NLGN1: variants seen among roughly 807,000 people sequenced by gnomAD.
NLGN1 encodes neuroligin-1.
A neutral mutation model predicts 65.5 loss-of-function variants in NLGN1; 12 were observed. The observed-to-expected ratio is 0.18, with a 90% confidence interval of 0.12 to 0.30. The LOEUF (loss-of-function observed/expected upper bound fraction) is 0.30. NLGN1 is among the 10% of genes least tolerant of loss of function. The probability of loss-of-function intolerance (pLI) is 1.00; values close to 1 mark genes in which losing one functional copy is unlikely to be tolerated. For missense variants in NLGN1, 750 were observed against 1,007.1 expected (o/e 0.74, Z 3.46); for synonymous variants, 350 against 359.5 (o/e 0.97, Z 0.30).
chr3:174,021,099 G>T (rs565049720), intron 4 of NLGN1, among the ~76,000 whole-genome samples: 182 of 151,894 alleles, frequency 1.2e-3, no homozygotes, highest in Non-Finnish European at 2.0e-3. Context: ...ATCTGTGTTG[G>T]CCCTGGTTTC....
chr3:173,469,468 A>G (rs1724956431), intron 2 of NLGN1, among the ~76,000 whole-genome samples: 1 of 152,064 alleles, frequency 6.6e-6, no homozygotes, highest in South Asian at 2.1e-4. Context: ...TTAGTTGGCC[A>G]ATTAAAATCT....
intron 3 of NLGN1, among the ~76,000 whole-genome samples, chr3:173,697,705 T>C (rs1056344814): frequency 2.0e-5 from 3 of 152,026 alleles, no homozygotes; most frequent in Admixed American, 1.3e-4. Context: ...TTTTGTATTG[T>C]TTTTTGTAGA....
chr3:173,866,376 A>AC (rs60192820), intron 4 of NLGN1, among the ~76,000 whole-genome samples: 1 of 152,134 alleles, frequency 6.6e-6, no homozygotes, highest in Non-Finnish European at 1.5e-5. Flanking sequence ...AAACAAACAA[A>AC]AAAAGGCAGG....
chr3:173,986,102 AG>A (rs1719837419), intron 4 of NLGN1, among the ~76,000 whole-genome samples: 1 of 152,218 alleles, frequency 6.6e-6, no homozygotes, highest in Admixed American at 6.5e-5. Flanking sequence ...AGATGTAATT[AG>A]TTAAGTCGAC....
intron 4 of NLGN1, among the ~76,000 whole-genome samples, chr3:173,929,706 T>G (rs1743710491): frequency 6.7e-6 from 1 of 150,214 alleles, no homozygotes; most frequent in African/African-American, 2.4e-5. Flanking sequence ...CTTTTTTTCT[T>G]TTTTTTTTTC....
intron 4 of NLGN1, among the ~76,000 whole-genome samples, chr3:174,254,427 C>G (rs758810284): frequency 1.3e-4 from 17 of 134,192 alleles, no homozygotes; most frequent in Non-Finnish European, 1.7e-4. Context: ...AATTTTCTTT[C>G]TTCTATAGCT....
At chr3:174,248,747 T>A (rs370575877) in intron 4 of NLGN1, among the ~76,000 whole-genome samples, 37 of 152,078 alleles carry the variant, frequency 2.4e-4, no homozygotes, top group African/African-American at 8.7e-4. Context: ...GGCAACGGAG[T>A]GAAACTCTGC....
chr3:173,443,020 C>A (rs1046580653), intron 2 of NLGN1, among the ~76,000 whole-genome samples: 1 of 151,936 alleles, frequency 6.6e-6, no homozygotes, highest in African/African-American at 2.4e-5. Flanking sequence ...ACACTTGTGT[C>A]AGCAGTCTTT....
chr3:174,046,650 A>T, intron 4 of NLGN1, among the ~76,000 whole-genome samples: 1 of 152,268 alleles, frequency 6.6e-6, no homozygotes, highest in South Asian at 2.1e-4. Flanking sequence ...CCTAAGGATT[A>T]TACCTTGGAA....
chr3:174,288,172 A>G (rs1383742443), downstream of NLGN1, among the ~76,000 whole-genome samples: 4 of 151,594 alleles, frequency 2.6e-5, no homozygotes, highest in African/African-American at 9.7e-5. Flanking sequence ...AATACAAATC[A>G]ATATTTCTTG....
intron 4 of NLGN1, among the ~76,000 whole-genome samples, chr3:173,921,949 A>G (rs781112572): frequency 2.0e-5 from 3 of 152,100 alleles, no homozygotes; most frequent in Admixed American, 6.6e-5. Context: ...CTCTGAATAC[A>G]TTATACCAAC....
At chr3:173,996,309 A>C in intron 4 of NLGN1, among the ~76,000 whole-genome samples, 1 of 152,146 alleles carries the variant, frequency 6.6e-6, no homozygotes, top group East Asian at 1.9e-4. Flanking sequence ...TTCCTGAATC[A>C]GTGCTTCCCA....
At chr3:173,649,835 A>G (rs951426615) in intron 3 of NLGN1, among the ~76,000 whole-genome samples, 1 of 152,118 alleles carries the variant, frequency 6.6e-6, no homozygotes, top group Admixed American at 6.5e-5. Context: ...AAAGTGTTCA[A>G]TAAGAAAACT....
chr3:174,124,511 GTATA>G (rs1718439305), intron 4 of NLGN1, among the ~76,000 whole-genome samples: 1 of 147,408 alleles, frequency 6.8e-6, no homozygotes, highest in South Asian at 2.1e-4. Flanking sequence ...ATATATATAA[GTATA>G]TATACATATG....
chr3:174,112,825 C>T (rs1010150198), intron 4 of NLGN1, among the ~76,000 whole-genome samples: 5 of 151,662 alleles, frequency 3.3e-5, no homozygotes, highest in Admixed American at 2.0e-4. Context: ...GAATTTGACA[C>T]GGTGATTAGT....
intron 3 of NLGN1, among the ~76,000 whole-genome samples, chr3:173,635,742 C>T (rs1444770271): frequency 6.6e-6 from 1 of 152,052 alleles, no homozygotes; most frequent in East Asian, 1.9e-4. Flanking sequence ...TATTTTATAT[C>T]AATGAAAACC....
intron 4 of NLGN1, among the ~76,000 whole-genome samples, chr3:173,845,388 C>A (rs2150702237): frequency 6.6e-6 from 1 of 152,210 alleles, no homozygotes; most frequent in Admixed American, 6.5e-5. Flanking sequence ...TATAGAGCAT[C>A]TGAGTGAATG....
intron 4 of NLGN1, among the ~76,000 whole-genome samples, chr3:174,144,899 TA>T (rs1462200453): frequency 6.6e-6 from 1 of 151,952 alleles, no homozygotes; most frequent in African/African-American, 2.4e-5. Flanking sequence ...AGAAGCTCTT[TA>T]GTTTAATTAG....
chr3:174,139,211 C>A (rs2152686018), intron 4 of NLGN1, among the ~76,000 whole-genome samples: 1 of 151,944 alleles, frequency 6.6e-6, no homozygotes, highest in South Asian at 2.1e-4. Context: ...ATATGTACAC[C>A]ATTGTAGTAT....
Sources: allele counts gnomAD v4.1 joint callset (sites outside exome capture counted in the v4.1 genomes callset), GRCh38; gene constraint gnomAD v4.1.1; transcripts MANE v1.5; gene names NCBI Gene and HGNC (gene_info 2026-07-23, HGNC 2026-07-21).